The following DPP6 variants were observed in gnomAD, a reference collection of about 807,000 sequenced individuals.
DPP6 encodes dipeptidyl peptidase like 6.
A neutral mutation model predicts 122.6 loss-of-function variants in DPP6; 69 were observed. That is an observed-to-expected ratio of 0.56 (90% CI 0.46 to 0.69). The LOEUF (loss-of-function observed/expected upper bound fraction) is 0.69. DPP6 is among the 30% of genes least tolerant of loss of function. DPP6 has a pLI of 0.00. For missense variants in DPP6, 928 were observed against 1,116.9 expected (o/e 0.83, Z 2.41); for synonymous variants, 418 against 433.1 (o/e 0.97, Z 0.43).
chr7:154,087,656 T>C (rs1038133177), intron 1 of DPP6, among the ~76,000 whole-genome samples: 39 of 152,188 alleles, frequency 2.6e-4, no homozygotes, highest in Non-Finnish European at 4.6e-4. Context: ...AGGCTCTTAG[T>C]TTAAAAGGTC....
At chr7:154,144,747 G>C (rs181742680) in intron 1 of DPP6, among the ~76,000 whole-genome samples, 3 of 151,998 alleles carry the variant, frequency 2.0e-5, no homozygotes, top group African/African-American at 7.3e-5. Flanking sequence ...ATAAGGATGG[G>C]GCCCTAATCC....
At chr7:153,875,799 C>T in the DPP6 span, among the ~76,000 whole-genome samples, 1 of 151,074 alleles carries the variant, frequency 6.6e-6, no homozygotes, top group African/African-American at 2.4e-5. Flanking sequence ...ATTGGAATGC[C>T]AATGTGTCAG....
At chr7:153,834,525 A>G in the DPP6 span, among the ~76,000 whole-genome samples, 3 of 152,148 alleles carry the variant, frequency 2.0e-5, no homozygotes, top group East Asian at 1.9e-4. Context: ...AAATTGTACA[A>G]TAAAATGAAG....
intron 1 of DPP6, among the ~76,000 whole-genome samples, chr7:154,180,711 A>C (rs1244203617): frequency 1.3e-5 from 2 of 151,882 alleles, no homozygotes; most frequent in Non-Finnish European, 2.9e-5. Flanking sequence ...TAGGAATGAC[A>C]ATCTTTTTTT....
intron 1 of DPP6, among the ~76,000 whole-genome samples, chr7:153,964,828 T>TTTCCTTTCC (rs1477877461): frequency 1.7e-4 from 21 of 122,480 alleles, no homozygotes; most frequent in African/African-American, 5.0e-4. Context: ...TTTCCTTTCC[T>TTTCCTTTCC]TTTCCTTTTC....
chr7:154,640,148 A>C (rs1019486406), intron 6 of DPP6, among the ~76,000 whole-genome samples: 1 of 152,284 alleles, frequency 6.6e-6, no homozygotes, highest in Non-Finnish European at 1.5e-5. Flanking sequence ...GCTACTCAGG[A>C]GGCTGAGGCA....
intron 5 of DPP6, among the ~76,000 whole-genome samples, chr7:154,568,646 A>AT (rs1212225776): frequency 6.6e-6 from 1 of 152,110 alleles, no homozygotes; most frequent in Admixed American, 6.5e-5. Flanking sequence ...ACCAGAAACC[A>AT]TTTTGATAAA....
intron 1 of DPP6, among the ~76,000 whole-genome samples, chr7:154,270,793 A>G (rs1020375460): frequency 2.0e-5 from 3 of 152,102 alleles, no homozygotes; most frequent in African/African-American, 4.8e-5. Context: ...GGGTGTGCCT[A>G]TGGGGAAATT....
At chr7:154,637,938 G>A in intron 6 of DPP6, 65 bp downstream of exon 6, 2 of 1,519,148 alleles carry the variant, frequency 1.3e-6, no homozygotes, top group Admixed American at 4.1e-5. Flanking sequence ...GTAGAACATG[G>A]ACGAGCTGTT....
At chr7:154,690,572 G>C (rs1839876288) in intron 7 of DPP6, among the ~76,000 whole-genome samples, 1 of 152,126 alleles carries the variant, frequency 6.6e-6, no homozygotes, top group Admixed American at 6.5e-5. Context: ...CCTACAGCGA[G>C]AGAGGAATGA....
intron 1 of DPP6, among the ~76,000 whole-genome samples, chr7:153,973,522 A>G (rs1796131749): frequency 6.6e-6 from 1 of 152,112 alleles, no homozygotes; most frequent in Non-Finnish European, 1.5e-5. Context: ...ATGGTAAGCT[A>G]ACTCACAGCT....
chr7:154,492,420 T>A (rs951249416), intron 3 of DPP6, among the ~76,000 whole-genome samples: 1 of 152,154 alleles, frequency 6.6e-6, no homozygotes, highest in Non-Finnish European at 1.5e-5. Flanking sequence ...GTTGATTTAA[T>A]AGGAATTTCA....
intron 1 of DPP6, among the ~76,000 whole-genome samples, chr7:154,301,325 G>T (rs150292067): frequency 1.7e-4 from 26 of 152,270 alleles, no homozygotes; most frequent in Non-Finnish European, 2.6e-4. Context: ...TGTGCAAGGC[G>T]CTTGGAAAGG....
intron 1 of DPP6, among the ~76,000 whole-genome samples, chr7:154,006,532 C>T (rs1797919234): frequency 6.6e-6 from 1 of 152,194 alleles, no homozygotes; most frequent in Non-Finnish European, 1.5e-5. Flanking sequence ...CTTCCACCAG[C>T]AAAGCAAAGG....
At chr7:154,887,829 C>G (rs868080384) in intron 23 of DPP6, 95 bp downstream of exon 23, 1 of 1,403,564 alleles carries the variant, frequency 7.1e-7, no homozygotes, top group Middle Eastern at 1.8e-4. Flanking sequence ...CTCTGCCTTC[C>G]CCAGCCCCAT....
intron 17 of DPP6, among the ~76,000 whole-genome samples, chr7:154,855,570 G>A (rs891496568): frequency 6.6e-6 from 1 of 152,152 alleles, no homozygotes; most frequent in African/African-American, 2.4e-5. Context: ...TGTTGGGCGC[G>A]ATTGCCTGGG....
chr7:153,925,748 A>G (rs995478549), intron 1 of DPP6, among the ~76,000 whole-genome samples: 2 of 152,196 alleles, frequency 1.3e-5, no homozygotes, highest in South Asian at 4.1e-4. Context: ...ATCATCCCAC[A>G]TGGTGGAAGG....
Position 154,772,908 on chromosome 7 carries a change from C to A in DPP6, c.1102C>A (p.Leu368Met). ...VIGLNGPTHDLEMMPPDDPRM... is the reference protein window; with the variant it reads ...VIGLNGPTHDMEMMPPDDPRM... ...TGGCTTAAATGGACCCACCCATGAT[C>A]TGGAGATGATGCCGCCTGATGATCC... is the stretch of plus-strand genomic sequence containing the variant. The change falls in exon 10 of 26, where the codon CTG becomes ATG. Residue 368 changes from leucine (L) to methionine (M), a missense_variant. Coordinates refer to ENST00000377770, the MANE Select transcript of DPP6 (RefSeq NM_130797.4). The A allele has an allele frequency of 6.2e-7, 1 of 1,611,424 alleles. No individual in the cohort carries two copies. Among genetic ancestry groups the A allele is most frequent in the South Asian group, 1.1e-5 (1 of 90,556 alleles).
intron 1 of DPP6, among the ~76,000 whole-genome samples, chr7:154,042,889 C>A (rs1365656547): frequency 6.6e-6 from 1 of 152,022 alleles, no homozygotes; most frequent in African/African-American, 2.4e-5. Flanking sequence ...GGGTAGAAAC[C>A]AAGAGTTGGG....
Sources: allele counts gnomAD v4.1 joint callset (sites outside exome capture counted in the v4.1 genomes callset), GRCh38; gene constraint gnomAD v4.1.1; transcripts MANE v1.5; gene names NCBI Gene and HGNC (gene_info 2026-07-23, HGNC 2026-07-21).